Variants in MROH2B observed in about 807,000 individuals in gnomAD.
The protein encoded by MROH2B is maestro heat like repeat family member 2B, also known as maestro heat-like repeat-containing protein family member 2B.
MROH2B carries 177 observed loss-of-function variants against 208.6 expected under a neutral mutation model. The observed-to-expected ratio is 0.85, with a 90% confidence interval of 0.75 to 0.96. The LOEUF is 0.96. Among genes scored for constraint, MROH2B ranks in the 40% least tolerant of loss-of-function variants. The pLI is 0.00. For missense variants in MROH2B, 2,002 were observed against 1,878.7 expected, an observed-to-expected ratio of 1.07 and a Z score of -1.21; for synonymous variants, 728 against 659.0, an observed-to-expected ratio of 1.10 and a Z score of -1.60.
chr5:41,044,572 A>G (rs968887963), intron 18 of MROH2B, among the ~76,000 whole-genome samples: 4 of 152,210 alleles, frequency 2.6e-5, no homozygotes, highest in African/African-American at 9.7e-5. Flanking sequence ...AATAAATAGC[A>G]TGATATGAGG....
At chr5:41,017,726 A>G (rs991738855) in intron 28 of MROH2B, 124 bp downstream of exon 28, 7 of 1,094,806 alleles carry the variant, frequency 6.4e-6, no homozygotes, top group Non-Finnish European at 6.2e-6. Flanking sequence ...AAGGAGGAAA[A>G]TGAGGAAAGA....
intron 21 of MROH2B, among the ~76,000 whole-genome samples, chr5:41,038,154 T>C (rs148963763): frequency 1.4e-4 from 21 of 152,334 alleles, no homozygotes; most frequent in African/African-American, 4.8e-4. Context: ...AATATGTATA[T>C]GACACTTACT....
intron 23 of MROH2B, 37 bp downstream of exon 23, chr5:41,033,004 A>T: frequency 6.2e-7 from 1 of 1,611,232 alleles, no homozygotes; most frequent in Middle Eastern, 1.7e-4. Flanking sequence ...GTAATGGAAT[A>T]CTCAGGGCCT....
At position 41,004,499 on chromosome 5, in the gene MROH2B, T is replaced by C. The variant is rs763359568; in HGVS notation, c.4041A>G (p.Glu1347=). Reference sequence around the variant, plus strand: ...GGTGATACAGGCCTCTGATGATAGATTCTAGCATTAACTGCTTATGTTTCT... The same window carrying C: ...GGTGATACAGGCCTCTGATGATAGACTCTAGCATTAACTGCTTATGTTTCT... ...KVKKHKQLML[E]SIIRGLYHLA... Residue 1347 remains glutamate, a synonymous_variant, in exon 37 of 42, where the codon GAA becomes GAG. Coordinates refer to ENST00000399564, the MANE Select transcript of MROH2B (RefSeq NM_173489.5). 3.7e-6 allele frequency: 6 copies of C among 1,611,610 alleles called. No homozygotes were observed. The Admixed American group carries it at 8.4e-5, about 23-fold the overall frequency.
In MROH2B at chr5:41,055,750, T is replaced by C. The variant is rs372868448; in HGVS notation, c.1025A>G (p.Asn342Ser). The C allele has an allele frequency of 1.5e-5, 24 of 1,613,248 alleles. No homozygotes were observed. In the South Asian group the frequency reaches 1.5e-4, roughly 10 times the overall value. Residue 342 changes from asparagine (N) to serine (S), a missense_variant, in exon 10 of 42, where the codon AAT (asparagine) becomes AGT (serine). Coordinates refer to ENST00000399564, the MANE Select transcript of MROH2B (RefSeq NM_173489.5). The stretch of plus-strand genomic sequence containing the variant: ...TCAACCCTCTTGCTTACCATCAGCA[T>C]TGACAGCCAATCTTAACAAAGTCAA... ...GILTLLRLAVNADEPRLRDHI... is the reference protein window; with the variant it reads ...GILTLLRLAVSADEPRLRDHI...
intron 13 of MROH2B, among the ~76,000 whole-genome samples, chr5:41,050,121 A>G (rs1313009152): frequency 3.3e-5 from 5 of 152,172 alleles, no homozygotes; most frequent in African/African-American, 1.2e-4. Context: ...AATTGCTACA[A>G]GTTGCATCTG....
chr5:41,061,826 T>C (rs1337315899), intron 5 of MROH2B, 102 bp from the exon 6 acceptor site: 6 of 1,273,406 alleles, frequency 4.7e-6, no homozygotes, highest in South Asian at 1.6e-5. Flanking sequence ...AAATATGTAA[T>C]GGTTTTTAGA....
At chr5:41,034,419 C>G (rs917365164) in intron 21 of MROH2B, among the ~76,000 whole-genome samples, 5 of 152,072 alleles carry the variant, frequency 3.3e-5, no homozygotes, top group African/African-American at 9.7e-5. Flanking sequence ...TTGAACTGAG[C>G]CACGTAGGAA....
Position 41,045,628 on chromosome 5 carries a change from CTTT to C in MROH2B, c.1836+115_1836+117del, listed in dbSNP as rs11297360. ...CTAGTGGCCTTAAAAAGAGGGAACT[CTTT>C]TTTTTTTTAAATGTTCCTCCCTCCC... On this transcript the variant is annotated intron_variant, in intron 18 of 41. Coordinates refer to ENST00000399564, the MANE Select transcript of MROH2B (RefSeq NM_173489.5). 6 of 599,454 alleles carry C rather than the reference CTTT, an allele frequency of 1.0e-5. 1 individual carries two copies. In the Admixed American group the frequency reaches 1.6e-4, roughly 16 times the overall value. The allele number at this position is 599,454 out of a possible 1,614,324, so 37.1% of individuals were successfully genotyped here. A position where few individuals can be genotyped will look rare whatever the true frequency, so the allele number is the denominator to read the frequency against.
At position 41,067,729 on chromosome 5, in the gene MROH2B, C is replaced by T. The variant is rs117384572; in HGVS notation, c.91-511G>A. On this transcript the variant is annotated intron_variant, in intron 2 of 41. Coordinates refer to ENST00000399564, the MANE Select transcript of MROH2B (RefSeq NM_173489.5). ...GGAGTCAAAGGCTACAGAGCAAAGT[C>T]AATTCTAAAAACTATTTTAACTTGG... 1.5e-3 allele frequency among the ~76,000 whole-genome samples: 222 copies of T among 152,228 alleles called. 6 individuals carry two copies. The East Asian group carries it at 0.038, about 26-fold the overall frequency.
intron 13 of MROH2B, 129 bp downstream of exon 13, chr5:41,050,848 A>G: frequency 1.6e-6 from 1 of 628,482 alleles, no homozygotes; most frequent in Non-Finnish European, 2.7e-6. Context: ...GTTGCAATAT[A>G]CTTCCTCTAG....
At chr5:41,016,321 T>A (rs1406198764) in intron 28 of MROH2B, among the ~76,000 whole-genome samples, 1 of 152,092 alleles carries the variant, frequency 6.6e-6, no homozygotes, top group Non-Finnish European at 1.5e-5. Context: ...GGCGAAAATG[T>A]CGATGTAAAT....
chr5:41,041,133 A>G (rs1033253344), intron 19 of MROH2B, among the ~76,000 whole-genome samples: 7 of 152,206 alleles, frequency 4.6e-5, no homozygotes, highest in African/African-American at 1.4e-4. Context: ...CTGACAAGAA[A>G]AAGGAAATAA....
chr5:41,005,709 T>G, intron 34 of MROH2B, 64 bp from the exon 35 acceptor site: 1 of 1,320,120 alleles, frequency 7.6e-7, no homozygotes, highest in South Asian at 1.3e-5. Flanking sequence ...CTTAGTCTGT[T>G]TGTTCATCAG....
At chr5:41,065,302 G>A (rs771602037) in intron 4 of MROH2B, 29 bp downstream of exon 4, 17 of 1,582,788 alleles carry the variant, frequency 1.1e-5, no homozygotes. Context: ...TCATTTCCCA[G>A]GGAAAATTGG....
In MROH2B at chr5:40,998,176, G is replaced by C; in HGVS notation, c.4652-18C>G. The C allele has an allele frequency of 6.3e-7, 1 of 1,583,364 alleles. No individual in the cohort carries two copies. Among genetic ancestry groups the C allele is most frequent in the Non-Finnish European group, 8.7e-7 (1 of 1,154,914 alleles). Reference sequence around the variant, plus strand: ...TTGGAGTCCTGAAATGGCAAGAATAGCAAATAAGTGGAGGAGGAGAGTCAG... The same window carrying C: ...TTGGAGTCCTGAAATGGCAAGAATACCAAATAAGTGGAGGAGGAGAGTCAG... On this transcript the variant is annotated intron_variant, in intron 41 of 41. Transcript: ENST00000399564.
At chr5:41,024,023 TC>T (rs1426225305) in intron 24 of MROH2B, among the ~76,000 whole-genome samples, 3 of 151,864 alleles carry the variant, frequency 2.0e-5, no homozygotes, top group Non-Finnish European at 4.4e-5. Context: ...CTAAAAGAGC[TC>T]CTGAAGGAAG....
intron 24 of MROH2B, among the ~76,000 whole-genome samples, chr5:41,022,745 C>T (rs933589714): frequency 3.3e-5 from 5 of 152,160 alleles, no homozygotes; most frequent in African/African-American, 7.2e-5. Context: ...AGACTGCCTC[C>T]TCAAGTGGGT....
At position 40,999,745 on chromosome 5, in the gene MROH2B, T is replaced by C. The variant is rs1189256910; in HGVS notation, c.4517A>G (p.His1506Arg). 1.2e-6 allele frequency: 2 copies of C among 1,613,578 alleles called. No individual in the cohort carries two copies. Among genetic ancestry groups the C allele is most frequent in the Non-Finnish European group, 1.7e-6 (2 of 1,179,674 alleles). Residue 1506 changes from histidine (H) to arginine (R), a missense_variant, in exon 40 of 42, where the codon CAC becomes CGC. His to Arg is a conservative substitution (Grantham distance 29). Transcript: ENST00000399564. ...GGTGAAGAAGGTGAAGGAGTGTGTG[T>C]GGAGGATCCACAGAATTTCCTGGTT... ...KKNQEILWIL[H>R]THSFTFFTST...
Sources: allele counts gnomAD v4.1 joint callset (sites outside exome capture counted in the v4.1 genomes callset), GRCh38; gene constraint gnomAD v4.1.1; transcripts MANE v1.5; gene names NCBI Gene and HGNC (gene_info 2026-07-23, HGNC 2026-07-21).